ZFPL1: variants seen among roughly 807,000 people sequenced by gnomAD.
ZFPL1 encodes zinc finger protein-like 1.
In ZFPL1, 28 loss-of-function variants were observed where a neutral mutation model predicts 32.0. The observed-to-expected ratio is 0.87, with a 90% CI of 0.65 to 1.20. ZFPL1 has a LOEUF of 1.20. ZFPL1 is among the 50% of genes most tolerant of loss of function. ZFPL1 has a pLI of 0.00. For missense variants in ZFPL1, 386 were observed against 424.8 expected, an observed-to-expected ratio of 0.91 and a Z score of 0.80; for synonymous variants, 165 against 177.0, an observed-to-expected ratio of 0.93 and a Z score of 0.54.
At chr11:65,087,492 G>A (rs759345791) in intron 7 of ZFPL1, 59 bp downstream of exon 7, 10 of 1,523,008 alleles carry the variant, frequency 6.6e-6, no homozygotes, top group African/African-American at 1.4e-5. Flanking sequence ...ATGGGAGCCA[G>A]AGGTCCTGGA....
Position 65,087,317 on chromosome 11 carries a change from C to T in ZFPL1, c.630C>T (p.Ala210=), listed in dbSNP as rs765627370. The change falls in exon 7 of 8, where the codon GCC becomes GCT. Residue 210 remains alanine, a splice_region_variant and synonymous_variant. Coordinates refer to ENST00000294258, the MANE Select transcript of ZFPL1 (RefSeq NM_006782.4). ...GATGCTAGTGGCTCCACCCTGTAGC[C>T]CCTAGGAAGGTGTATGATACGCGGG... is the stretch of plus-strand genomic sequence containing the variant. ...HMGNPEPLTH[A]PRKVYDTRDD... 6.2e-7 allele frequency: 1 copy of T among 1,613,966 alleles called. No homozygotes were observed. The highest frequency in any genetic ancestry group is 1.1e-5 in the South Asian group (1 of 91,084).
Position 65,084,743 on chromosome 11 carries a change from C to T in ZFPL1, c.45C>T (p.Phe15=), listed in dbSNP as rs1480405497. 3 of 1,614,008 alleles carry T rather than the reference C, an allele frequency of 1.9e-6. No individual in the cohort carries two copies. The highest frequency in any genetic ancestry group is 2.7e-5 in the African/African-American group (2 of 74,896). ...CCAAGAGAAAGGTGACCAACCTGTT[C>T]TGCTTCGAACATCGGGTCAACGTCT... ...KCPKRKVTNL[F]CFEHRVNVCE... is the part of the protein sequence containing the mutation. Residue 15 remains phenylalanine (F), a synonymous_variant, in exon 2 of 8, where the codon TTC becomes TTT. Coordinates refer to ENST00000294258, the MANE Select transcript of ZFPL1 (RefSeq NM_006782.4).
Position 65,085,229 on chromosome 11 carries a change from G to C in ZFPL1, c.214+3G>C, listed in dbSNP as rs1360199749. ...GACGACCCGCCTTGTCTGCTATGGT[G>C]AGGCCTTGGCACCTCGGGGGGATCA... On this transcript the variant is annotated splice_donor_region_variant and intron_variant, in intron 3 of 7. Transcript: ENST00000294258. The C allele has an allele frequency of 6.2e-7, 1 of 1,613,778 alleles. No individual in the cohort carries two copies. The highest frequency in any genetic ancestry group is 1.3e-5 in the African/African-American group (1 of 74,896).
chr11:65,087,728 G>A, intron 7 of ZFPL1, 200 bp from the exon 8 acceptor site: 2 of 638,036 alleles, frequency 3.1e-6, no homozygotes, highest in Non-Finnish European at 5.3e-6. Context: ...GACACACTGT[G>A]GTTTCCAGAA....
At chr11:65,084,933 C>T in intron 2 of ZFPL1, 133 bp downstream of exon 2, 2 of 1,147,768 alleles carry the variant, frequency 1.7e-6, no homozygotes, top group Non-Finnish European at 2.6e-6. Context: ...ATTTTGTTCA[C>T]TGATATATCC....
At position 65,086,760 on chromosome 11, in the gene ZFPL1, C is replaced by T. The variant is rs145973436; in HGVS notation, c.449C>T (p.Thr150Met). 2.8e-5 allele frequency: 46 copies of T among 1,614,258 alleles called. No homozygotes were observed. The highest frequency in any genetic ancestry group is 2.3e-4 in the African/African-American group (17 of 75,068). ...AGCCCAGAGCCCGAGCCCCTCAACA[C>T]GTCTGACTTCTCTGACTGGTCTAGT... ...VVSPEPEPLN[T>M]SDFSDWSSFN... Residue 150 changes from threonine (T) to methionine (M), a missense_variant, in exon 5 of 8, where the codon ACG becomes ATG. Transcript: ENST00000294258.
At position 65,087,375 on chromosome 11, in the gene ZFPL1, T is replaced by C; in HGVS notation, c.688T>C (p.Cys230Arg). Residue 230 changes from cysteine (C) to arginine (R), a missense_variant, in exon 7 of 8, where the codon TGT (cysteine) becomes CGT (arginine). Physicochemically the swap from Cys to Arg is radical, Grantham distance 180. Transcript: ENST00000294258. ...CCGGACACCAGGCCTCCATGGAGAC[T>C]GTGACGATGACAAGTACCGACGTCG... ...DDRTPGLHGD[C>R]DDDKYRRRPA... is the part of the protein sequence containing the mutation. 2 of 1,614,050 alleles carry C rather than the reference T, an allele frequency of 1.2e-6. No individual in the cohort carries two copies. The highest frequency in any genetic ancestry group is 1.7e-6 in the Non-Finnish European group (2 of 1,179,994).
Position 65,088,106 on chromosome 11 carries a change from C to G in ZFPL1, c.925C>G (p.Pro309Ala). Reference sequence around the variant, plus strand: ...CATGAACCCTCACATCCGCGTGGGCCCCTCCTGAGCCCCCTTGCTTGTGGC... The same window carrying G: ...CATGAACCCTCACATCCGCGTGGGCGCCTCCTGAGCCCCCTTGCTTGTGGC... ...PLMNPHIRVG[P>A]S is the part of the protein sequence containing the mutation. Residue 309 changes from proline (P) to alanine (A), a missense_variant, in exon 8 of 8, where the codon CCC becomes GCC. By Grantham distance (27) the Pro-to-Ala change is conservative (BLOSUM62 -1). Transcript: ENST00000294258. The G allele has an allele frequency of 6.2e-7, 1 of 1,606,778 alleles. No individual in the cohort carries two copies. The highest frequency in any genetic ancestry group is 8.5e-7 in the Non-Finnish European group (1 of 1,178,628).
chr11:65,086,747 G>A lies in ZFPL1; in HGVS notation c.436G>A (p.Glu146Lys), dbSNP rs200454788. 193 of 1,614,226 alleles carry A rather than the reference G, an allele frequency of 1.2e-4. 2 individuals carry two copies. The highest frequency in any genetic ancestry group is 3.3e-4 in the Middle Eastern group (2 of 6,062). Reference protein sequence around the residue: ...LIDEVVSPEPEPLNTSDFSDW... With the variant: ...LIDEVVSPEPKPLNTSDFSDW... The stretch of plus-strand genomic sequence containing the variant: ...CGATGAGGTGGTGAGCCCAGAGCCC[G>A]AGCCCCTCAACACGTCTGACTTCTC... The change falls in exon 5 of 8, where the codon GAG (glutamate) becomes AAG (lysine). Residue 146 changes from glutamate to lysine, a missense_variant. By Grantham distance (56) the Glu-to-Lys change is moderately conservative. Transcript: ENST00000294258.
rs1947648611 is a variant in ZFPL1, at chr11:65,084,391, G to A, written c.-9+13G>A. 1.3e-5 allele frequency: 7 copies of A among 531,742 alleles called. No homozygotes were observed. The highest frequency in any genetic ancestry group is 2.3e-5 in the Non-Finnish European group (7 of 299,974). 32.9% of individuals were successfully genotyped at this position (531,742 alleles called of 1,614,324 possible). ...CACAGAGACTGGGGTCTGTAGAGAA[G>A]GGGCGGGACTTGGAGGGGGTGGGGC... On this transcript the variant is annotated intron_variant, in intron 1 of 7. Coordinates refer to ENST00000294258, the MANE Select transcript of ZFPL1 (RefSeq NM_006782.4).
chr11:65,087,124 T>C, intron 6 of ZFPL1, 50 bp downstream of exon 6: 1 of 1,591,092 alleles, frequency 6.3e-7, no homozygotes, highest in Non-Finnish European at 8.6e-7. Flanking sequence ...GAGGGTGGAA[T>C]GGTTTGTATA....
rs369285512 is a variant in ZFPL1, at chr11:65,085,189, C to T, written c.177C>T (p.Pro59=). Residue 59 remains proline (P), a synonymous_variant, in exon 3 of 8, where the codon CCC becomes CCT. Transcript: ENST00000294258. The stretch of plus-strand genomic sequence containing the variant: ...CCAATTGCCGCCTGTGCAACATACC[C>T]CTGGCCAGCCGAGAGACGACCCGCC... ...YNPNCRLCNI[P]LASRETTRLV... 7 of 1,613,988 alleles carry T rather than the reference C, an allele frequency of 4.3e-6. No individual in the cohort carries two copies. The highest frequency in any genetic ancestry group is 5.9e-6 in the Non-Finnish European group (7 of 1,180,022).
Position 65,088,033 on chromosome 11 carries a change from T to G in ZFPL1, c.852T>G (p.Ser284=). The G allele has an allele frequency of 1.2e-6, 2 of 1,609,614 alleles. No homozygotes were observed. The highest frequency in any genetic ancestry group is 1.7e-6 in the Non-Finnish European group (2 of 1,179,064). ...TCCTGGCCCTCCTTGCCCTCATGTC[T>G]CGCCTAGGCCGGGCCGCAGCTGACA... ...LGFLALLALM[S]RLGRAAADSD... is the part of the protein sequence containing the mutation. The change falls in exon 8 of 8, where the codon TCT becomes TCG. Residue 284 remains serine, a synonymous_variant. Transcript: ENST00000294258.
chr11:65,085,507 G>A (rs1565297530), intron 3 of ZFPL1: 6 of 486,340 alleles, frequency 1.2e-5, no homozygotes, highest in Admixed American at 3.3e-5. Flanking sequence ...TCAAGCTTAC[G>A]GGTATGCTGG....
At position 65,086,963 on chromosome 11, in the gene ZFPL1, G is replaced by A. The variant is rs377106532; in HGVS notation, c.517G>A (p.Ala173Thr). The change falls in exon 6 of 8, where the codon GCC becomes ACC. Residue 173 changes from alanine to threonine, a missense_variant. Coordinates refer to ENST00000294258, the MANE Select transcript of ZFPL1 (RefSeq NM_006782.4). Reference sequence around the variant, plus strand: ...CCCTGGACCAGAGGAGGTAGACAGCGCCTCTGCTGCCCCAGCCTTCTACAG... The same window carrying A: ...CCCTGGACCAGAGGAGGTAGACAGCACCTCTGCTGCCCCAGCCTTCTACAG... ...STPGPEEVDS[A>T]SAAPAFYSQA... 3.4e-5 allele frequency: 55 copies of A among 1,613,880 alleles called. No individual in the cohort carries two copies. The highest frequency in any genetic ancestry group is 4.2e-5 in the Non-Finnish European group (49 of 1,179,988).
At chr11:65,087,194 C>G in intron 6 of ZFPL1, 120 bp downstream of exon 6, 3 of 1,549,922 alleles carry the variant, frequency 1.9e-6, no homozygotes, top group Non-Finnish European at 2.6e-6. Context: ...CCAGGCACAG[C>G]CATTACCTCC....
chr11:65,084,343 C>G lies in ZFPL1; in HGVS notation c.-44C>G, dbSNP rs1947647913. ...AGCCATCGCTACCGCCCTTCGGAAC[C>G]AGTGCAGCGGCCGATCAGTAAACAC... On this transcript the variant is annotated 5_prime_UTR_variant, in exon 1 of 8. Transcript: ENST00000294258. 2.0e-6 allele frequency: 1 copy of G among 502,746 alleles called. No homozygotes were observed. Among genetic ancestry groups the G allele is most frequent in the Non-Finnish European group, 3.5e-6 (1 of 284,820 alleles). The allele number at this position is 502,746 out of a possible 1,614,324, so 31.1% of individuals were successfully genotyped here.
intron 7 of ZFPL1, 161 bp from the exon 8 acceptor site, chr11:65,087,767 C>G (rs1947694113): frequency 1.3e-6 from 1 of 754,780 alleles, no homozygotes; most frequent in Non-Finnish European, 2.1e-6. Flanking sequence ...CTGGTTTGAG[C>G]TGCACAATAA....
intron 2 of ZFPL1, 75 bp from the exon 3 acceptor site, chr11:65,085,040 A>G: frequency 7.0e-7 from 1 of 1,428,086 alleles, no homozygotes; most frequent in Non-Finnish European, 9.9e-7. Context: ...GGCTAGAGAA[A>G]AAGAGACAGT....
Sources: allele counts gnomAD v4.1 joint callset, GRCh38; gene constraint gnomAD v4.1.1; transcripts MANE v1.5; gene names NCBI Gene and HGNC (gene_info 2026-07-23, HGNC 2026-07-21).